The following AGPAT5 variants were observed in gnomAD, a reference collection of about 807,000 sequenced individuals.
AGPAT5 encodes the protein 1-acyl-sn-glycerol-3-phosphate acyltransferase epsilon.
Under a neutral mutation model 45.6 loss-of-function variants are expected in AGPAT5, and 46 were observed. The observed-to-expected ratio is 1.01, with a 90% CI of 0.80 to 1.29. The LOEUF (loss-of-function observed/expected upper bound fraction) is 1.29. AGPAT5 is among the 50% of genes most tolerant of loss of function. The pLI is 0.00. For missense variants in AGPAT5, 673 were observed against 450.7 expected (o/e 1.49, Z -4.47); for synonymous variants, 272 against 167.0 (o/e 1.63, Z -4.85).
At chr8:6,734,640 A>G (rs533437855) in intron 4 of AGPAT5, among the ~76,000 whole-genome samples, 2 of 152,238 alleles carry the variant, frequency 1.3e-5, no homozygotes, top group East Asian at 3.9e-4. Context: ...ATTGTGCTTT[A>G]TCTTGCCTTT....
chr8:6,724,056 T>A (rs1212726574), intron 1 of AGPAT5, among the ~76,000 whole-genome samples: 1 of 152,156 alleles, frequency 6.6e-6, no homozygotes, highest in African/African-American at 2.4e-5. Flanking sequence ...CTTGAAAAAT[T>A]TATTCTAAAA....
At chr8:6,718,523 T>C (rs1800405260) in intron 1 of AGPAT5, among the ~76,000 whole-genome samples, 1 of 152,118 alleles carries the variant, frequency 6.6e-6, no homozygotes, top group African/African-American at 2.4e-5. Flanking sequence ...GTGTAAGCTT[T>C]CAGTGCGAAT....
chr8:6,709,247 C>G (rs1039049640), intron 1 of AGPAT5: 1 of 331,682 alleles, frequency 3.0e-6, no homozygotes, highest in African/African-American at 2.2e-5. Context: ...CATGTTGGAA[C>G]AGATCGGAGA....
intron 4 of AGPAT5, among the ~76,000 whole-genome samples, chr8:6,736,270 G>C (rs1005685080): frequency 2.7e-4 from 41 of 152,172 alleles, no homozygotes; most frequent in African/African-American, 9.7e-4. Flanking sequence ...TTTTTATTCA[G>C]ACTTTACCAG....
At chr8:6,744,759 C>G (rs1172008180) in intron 5 of AGPAT5, among the ~76,000 whole-genome samples, 1 of 152,202 alleles carries the variant, frequency 6.6e-6, no homozygotes, top group Non-Finnish European at 1.5e-5. Context: ...TTTCCTTGGC[C>G]CTTCTGCAGC....
intron 4 of AGPAT5, among the ~76,000 whole-genome samples, chr8:6,734,118 T>A (rs910192856): frequency 3.3e-5 from 5 of 152,204 alleles, no homozygotes; most frequent in African/African-American, 1.2e-4. Context: ...ATTTGGTGTC[T>A]GTTATTAATT....
At chr8:6,728,771 T>C (rs1479545646) in intron 2 of AGPAT5, among the ~76,000 whole-genome samples, 1 of 152,218 alleles carries the variant, frequency 6.6e-6, no homozygotes, top group Non-Finnish European at 1.5e-5. Context: ...CTGCTTACTT[T>C]TGCATTTGGT....
At chr8:6,755,998 A>G (rs767798007) in intron 7 of AGPAT5, among the ~76,000 whole-genome samples, 1 of 152,228 alleles carries the variant, frequency 6.6e-6, no homozygotes, top group African/African-American at 2.4e-5. Flanking sequence ...AGACTAATGT[A>G]TTTAATGTCC....
intron 1 of AGPAT5, among the ~76,000 whole-genome samples, chr8:6,719,125 A>G (rs1800422477): frequency 6.6e-6 from 1 of 152,230 alleles, no homozygotes; most frequent in Admixed American, 6.5e-5. Context: ...GATTATCAGG[A>G]TTTAATATGG....
intron 7 of AGPAT5, among the ~76,000 whole-genome samples, chr8:6,756,852 A>G (rs879942593): frequency 4.4e-4 from 67 of 152,328 alleles, no homozygotes; most frequent in African/African-American, 1.6e-3. Flanking sequence ...GTTATTAGCC[A>G]TTTGTGAGTC....
rs1360251576 is a variant in AGPAT5, at chr8:6,708,758, G to A, written c.90G>A (p.Leu30=). 1.2e-6 allele frequency: 2 copies of A among 1,608,552 alleles called. No individual in the cohort carries two copies. Among genetic ancestry groups the A allele is most frequent in the South Asian group, 2.2e-5 (2 of 90,896 alleles). Reference sequence around the variant, plus strand: ...TGGGCACGGCGCCCACCTACGTGTTGGCCTGGGGGGTCTGGCGGCTGCTCT... The same window carrying A: ...TGGGCACGGCGCCCACCTACGTGTTAGCCTGGGGGGTCTGGCGGCTGCTCT... ...VLLGTAPTYV[L]AWGVWRLLSA... The change falls in exon 1 of 8, where the codon TTG becomes TTA. Residue 30 remains leucine, a synonymous_variant. Coordinates refer to ENST00000285518, the MANE Select transcript of AGPAT5 (RefSeq NM_018361.5).
chr8:6,747,742 A>G lies in AGPAT5; in HGVS notation c.659A>G (p.Asn220Ser), dbSNP rs1317397540. The G allele has an allele frequency of 2.5e-6, 4 of 1,614,198 alleles. No individual in the cohort carries two copies. Among genetic ancestry groups the G allele is most frequent in the Admixed American group, 1.7e-5 (1 of 60,028 alleles). The change falls in exon 6 of 8, where the codon AAT becomes AGT. Residue 220 changes from asparagine to serine, a missense_variant. Asn to Ser is a conservative substitution (Grantham distance 46). Transcript: ENST00000285518. ...CACGTTGCTTTTGATTGCATGAAGA[A>G]TTATTTAGATGCAATTTATGATGTT... is the stretch of plus-strand genomic sequence containing the variant. ...ATHVAFDCMK[N>S]YLDAIYDVTV...
In AGPAT5 at chr8:6,758,812, T is replaced by G. The variant is rs548465101; in HGVS notation, c.*1424T>G. ...TGTTATAATTTAAACTTCGATTTCC[T>G]CATAGTCCTTTAAGTTGACATTTCT... is the stretch of plus-strand genomic sequence containing the variant. On this transcript the variant is annotated 3_prime_UTR_variant, in exon 8 of 8. Transcript: ENST00000285518. 1.0e-4 allele frequency: 16 copies of G among 152,776 alleles called. No homozygotes were observed. The East Asian group carries it at 3.1e-3, about 29-fold the overall frequency. 9.5% of individuals were successfully genotyped at this position (152,776 alleles called of 1,614,324 possible).
At chr8:6,715,385 A>G (rs1488868308) in intron 1 of AGPAT5, among the ~76,000 whole-genome samples, 1 of 152,138 alleles carries the variant, frequency 6.6e-6, no homozygotes, top group Non-Finnish European at 1.5e-5. Flanking sequence ...AGAATTCCAA[A>G]TCTATTTTAG....
At chr8:6,727,257 G>T (rs1312474097) in intron 2 of AGPAT5, among the ~76,000 whole-genome samples, 3 of 151,996 alleles carry the variant, frequency 2.0e-5, no homozygotes, top group African/African-American at 7.3e-5. Flanking sequence ...CCTTGTTTTC[G>T]CTTGACACAT....
At position 6,755,315 on chromosome 8, in the gene AGPAT5, G is replaced by A. The variant is rs2980700; in HGVS notation, c.869+141G>A. 4.5e-3 allele frequency: 4,401 copies of A among 969,630 alleles called. 119 individuals carry two copies. The African/African-American group carries it at 0.065, about 14-fold the overall frequency. 60.1% of individuals were successfully genotyped at this position (969,630 alleles called of 1,614,324 possible). ...TTCAAATCAAATTTTATGCATGTCT[G>A]ATCGTGTTTTAAACTTTACTTGTAC... On this transcript the variant is annotated intron_variant, in intron 7 of 7. Coordinates refer to ENST00000285518, the MANE Select transcript of AGPAT5 (RefSeq NM_018361.5).
At position 6,759,180 on chromosome 8, in the gene AGPAT5, C is replaced by T. The variant is rs904809103; in HGVS notation, c.*1792C>T. On this transcript the variant is annotated 3_prime_UTR_variant, in exon 8 of 8. Transcript: ENST00000285518. ...TGTAAAGTAAAATTTAGATCAATTC[C>T]ATGTCTTTGTTAAGTACAGGGATTT... The T allele has an allele frequency of 6.6e-6, 1 of 152,002 alleles. No homozygotes were observed. The highest frequency in any genetic ancestry group is 2.1e-4 in the South Asian group (1 of 4,818). The allele number at this position is 152,002 out of a possible 1,614,324, so 9.4% of individuals were successfully genotyped here. A position where few individuals can be genotyped will look rare whatever the true frequency, so the allele number is the denominator to read the frequency against.
chr8:6,732,542 C>T lies in AGPAT5; in HGVS notation c.406-19C>T. The T allele has an allele frequency of 1.9e-6, 3 of 1,576,396 alleles. No homozygotes were observed. The highest frequency in any genetic ancestry group is 2.6e-6 in the Non-Finnish European group (3 of 1,167,306). On this transcript the variant is annotated intron_variant, in intron 3 of 7. Transcript: ENST00000285518. ...TATTTTAAAAGTAAATGCTCTTTCTCCCGATTTGATTGTGGCAGCATGGAG... is the reference window on the plus strand; with the variant it reads ...TATTTTAAAAGTAAATGCTCTTTCTTCCGATTTGATTGTGGCAGCATGGAG...
intron 5 of AGPAT5, 115 bp from the exon 6 acceptor site, chr8:6,747,555 A>G: frequency 2.0e-6 from 2 of 993,148 alleles, no homozygotes; most frequent in Non-Finnish European, 2.9e-6. Flanking sequence ...AGGTTGTGGA[A>G]TTAATAGATT....
Sources: gnomAD v4.1 joint callset for allele counts (sites outside exome capture counted in the v4.1 genomes callset) on GRCh38, gnomAD v4.1.1 for gene constraint, MANE v1.5 for transcripts, NCBI Gene and HGNC (gene_info 2026-07-23, HGNC 2026-07-21) for gene names.